Variants in KIRREL3 observed in about 807,000 individuals in gnomAD.
KIRREL3 encodes the protein kin of IRRE-like protein 3.
In KIRREL3, 36 loss-of-function variants were observed where a neutral mutation model predicts 89.7. That is an observed-to-expected ratio of 0.40 (90% CI 0.31 to 0.53). The LOEUF (loss-of-function observed/expected upper bound fraction) is 0.53. KIRREL3 is among the 20% of genes least tolerant of loss of function. The probability of loss-of-function intolerance (pLI) is 0.49; values close to 1 mark genes in which losing one functional copy is unlikely to be tolerated. For missense variants in KIRREL3, 864 were observed against 1,056.6 expected (o/e 0.82, Z 2.53); for synonymous variants, 445 against 441.4 (o/e 1.01, Z -0.10).
At chr11:126,533,939 G>A (rs1959019821) in intron 2 of KIRREL3, among the ~76,000 whole-genome samples, 1 of 152,210 alleles carries the variant, frequency 6.6e-6, no homozygotes, top group African/African-American at 2.4e-5. Context: ...CGCAGGCTGA[G>A]CTCCATAGGG....
Position 126,754,688 on chromosome 11 carries a change from C to T in KIRREL3, c.56-191776G>A, listed in dbSNP as rs986330985. On this transcript the variant is annotated intron_variant, in intron 1 of 16. Transcript: ENST00000525144. This position sits in a 1 kb window ranked among gnomAD's most constrained non-coding sequence, Gnocchi z 5.1. ...TGTTGTCTTCTTTCTGAGTTGTCTT[C>T]TCTCTTCTCCTTCTTAATAATCTCC... Among the ~76,000 whole-genome samples, 1 of 152,082 alleles carries T rather than the reference C, an allele frequency of 6.6e-6. No homozygotes were observed. The highest frequency in any genetic ancestry group is 2.4e-5 in the African/African-American group (1 of 41,396).
At chr11:126,762,881 T>C (rs1042365945) in intron 1 of KIRREL3, among the ~76,000 whole-genome samples, 5 of 152,146 alleles carry the variant, frequency 3.3e-5, no homozygotes, top group Non-Finnish European at 7.3e-5. Flanking sequence ...CAAAACTCTA[T>C]TGAATTTGGG....
At position 126,739,174 on chromosome 11, in the gene KIRREL3, C is replaced by T. The variant is rs1419898633; in HGVS notation, c.56-176262G>A. On this transcript the variant is annotated intron_variant, in intron 1 of 16. Transcript: ENST00000525144. The surrounding 1 kb of genome is among the most constrained non-coding windows in gnomAD (Gnocchi z 5.5). ...TGGCTCCAAAGCCAAACCCTTCCAC[C>T]CGTTCCGTGCTATTGTTGGAGATGT... Among the ~76,000 whole-genome samples the T allele has an allele frequency of 6.6e-6, 1 of 152,064 alleles. No individual in the cohort carries two copies. The highest frequency in any genetic ancestry group is 1.5e-5 in the Non-Finnish European group (1 of 68,038).
At chr11:126,925,307 G>C (rs1413835600) in intron 1 of KIRREL3, among the ~76,000 whole-genome samples, 1 of 152,222 alleles carries the variant, frequency 6.6e-6, no homozygotes, top group Admixed American at 6.5e-5. Context: ...CACGCATGAG[G>C]CAGCCTGGTG....
At chr11:126,842,538 T>C (rs571097729) in intron 1 of KIRREL3, among the ~76,000 whole-genome samples, 1 of 152,188 alleles carries the variant, frequency 6.6e-6, no homozygotes, top group East Asian at 1.9e-4. Context: ...AGTCCCCCAA[T>C]ATCCTTCATC....
In KIRREL3 at chr11:126,462,887, C is replaced by T. The variant is rs1305535021; in HGVS notation, c.742+270G>A. ...TAGGCCAGCAGAGGCAGCAGCTGACCGTATTTATTGGTGTGAAAGTCCCAC... is the reference window on the plus strand; with the variant it reads ...TAGGCCAGCAGAGGCAGCAGCTGACTGTATTTATTGGTGTGAAAGTCCCAC... On this transcript the variant is annotated intron_variant, in intron 6 of 16. Coordinates refer to ENST00000525144, the MANE Select transcript of KIRREL3 (RefSeq NM_032531.4). This position sits in a 1 kb window ranked among gnomAD's most constrained non-coding sequence, Gnocchi z 4.8. Among the ~76,000 whole-genome samples, 1 of 152,094 alleles carries T rather than the reference C, an allele frequency of 6.6e-6. No individual in the cohort carries two copies. Among genetic ancestry groups the T allele is most frequent in the Non-Finnish European group, 1.5e-5 (1 of 68,026 alleles).
At chr11:126,913,565 T>C (rs1490199005) in intron 1 of KIRREL3, among the ~76,000 whole-genome samples, 1 of 152,144 alleles carries the variant, frequency 6.6e-6, no homozygotes, top group East Asian at 1.9e-4. Flanking sequence ...ACGCAGTCCA[T>C]GAAGAGGAAG....
intron 1 of KIRREL3, among the ~76,000 whole-genome samples, chr11:126,770,550 C>T (rs1013114224): frequency 1.3e-5 from 2 of 152,152 alleles, no homozygotes; most frequent in East Asian, 1.9e-4. Flanking sequence ...AAACGGAAGG[C>T]GAAGCACATC....
intron 6 of KIRREL3, among the ~76,000 whole-genome samples, chr11:126,461,995 C>T (rs538408833): frequency 2.0e-5 from 3 of 152,284 alleles, no homozygotes; most frequent in African/African-American, 7.2e-5. Context: ...GGAGAGAAGT[C>T]CACTTTTGAG....
intron 1 of KIRREL3, among the ~76,000 whole-genome samples, chr11:126,794,230 G>T (rs1394476815): frequency 6.6e-6 from 1 of 152,140 alleles, no homozygotes; most frequent in Non-Finnish European, 1.5e-5. Flanking sequence ...AGATGTTTAG[G>T]TGTCTTTAGC....
intron 1 of KIRREL3, among the ~76,000 whole-genome samples, chr11:126,577,319 C>G (rs540710524): frequency 1.2e-4 from 18 of 151,972 alleles, no homozygotes; most frequent in African/African-American, 4.3e-4. Context: ...CAGGTCAGGT[C>G]GATGGGTGGG....
Position 126,689,977 on chromosome 11 carries a change from G to A in KIRREL3, c.56-127065C>T, listed in dbSNP as rs1042762291. On this transcript the variant is annotated intron_variant, in intron 1 of 16. Coordinates refer to ENST00000525144, the MANE Select transcript of KIRREL3 (RefSeq NM_032531.4). This position sits in a 1 kb window ranked among gnomAD's most constrained non-coding sequence, Gnocchi z 5.2. Reference sequence around the variant, plus strand: ...TTCTTTTAGACCCTATTTGTCTCCCGGCCTCACACTGCCTTCCTCTTGCTC... The same window carrying A: ...TTCTTTTAGACCCTATTTGTCTCCCAGCCTCACACTGCCTTCCTCTTGCTC... 2.0e-5 allele frequency among the ~76,000 whole-genome samples: 3 copies of A among 152,116 alleles called. No individual in the cohort carries two copies. Among genetic ancestry groups the A allele is most frequent in the Non-Finnish European group, 2.9e-5 (2 of 68,018 alleles).
In KIRREL3 at chr11:126,427,882, A is replaced by C. The variant is rs1189639952; in HGVS notation, c.1806+1297T>G. Among the ~76,000 whole-genome samples the C allele has an allele frequency of 2.0e-5, 3 of 152,212 alleles. No homozygotes were observed. Among genetic ancestry groups the C allele is most frequent in the Admixed American group, 2.0e-4 (3 of 15,280 alleles). On this transcript the variant is annotated intron_variant, in intron 15 of 16. Transcript: ENST00000525144. The surrounding 1 kb of genome is among the most constrained non-coding windows in gnomAD (Gnocchi z 5.3). Reference sequence around the variant, plus strand: ...GGGAGCAATGATGAGGCCTGAAGTAAAGAAGTGATGGTGGAGGACAGGTGG... The same window carrying C: ...GGGAGCAATGATGAGGCCTGAAGTACAGAAGTGATGGTGGAGGACAGGTGG...
Position 126,471,593 on chromosome 11 carries a change from G to A in KIRREL3, c.591+1716C>T, listed in dbSNP as rs958629617. Among the ~76,000 whole-genome samples the A allele has an allele frequency of 5.9e-5, 9 of 151,972 alleles. No homozygotes were observed. The highest frequency in any genetic ancestry group is 1.9e-4 in the African/African-American group (8 of 41,408). On this transcript the variant is annotated intron_variant, in intron 5 of 16. Transcript: ENST00000525144. This position sits in a 1 kb window ranked among gnomAD's most constrained non-coding sequence, Gnocchi z 5.4. ...TTGGTGGCTCAGCAGGTTTAGGATT[G>A]GATAGCTTGAATAATTTCCCTGGGC...
chr11:126,512,632 C>G (rs1958260784), intron 4 of KIRREL3, among the ~76,000 whole-genome samples: 1 of 152,188 alleles, frequency 6.6e-6, no homozygotes, highest in Admixed American at 6.5e-5. Flanking sequence ...GATTCCATGT[C>G]AAATGGCAGA....
At position 126,651,899 on chromosome 11, in the gene KIRREL3, C is replaced by G. The variant is rs181590486; in HGVS notation, c.56-88987G>C. ...ATTTTCCCATTTGGGGTGGTAATAA[C>G]AGGTCTAATCATGACACCTCCATAA... On this transcript the variant is annotated intron_variant, in intron 1 of 16. Transcript: ENST00000525144. The surrounding 1 kb of genome is among the most constrained non-coding windows in gnomAD (Gnocchi z 4.6). 1.3e-5 allele frequency among the ~76,000 whole-genome samples: 2 copies of G among 152,210 alleles called. No homozygotes were observed. The highest frequency in any genetic ancestry group is 4.8e-5 in the African/African-American group (2 of 41,458).
chr11:126,627,059 G>A lies in KIRREL3; in HGVS notation c.56-64147C>T, dbSNP rs1943821595. Among the ~76,000 whole-genome samples, 1 of 152,040 alleles carries A rather than the reference G, an allele frequency of 6.6e-6. No homozygotes were observed. Among genetic ancestry groups the A allele is most frequent in the African/African-American group, 2.4e-5 (1 of 41,418 alleles). ...CACAGTTTTGAAGCCTCAAAGGAAGGTGTGTGTGCATGCATGTGTGTGTAT... is the reference window on the plus strand; with the variant it reads ...CACAGTTTTGAAGCCTCAAAGGAAGATGTGTGTGCATGCATGTGTGTGTAT... On this transcript the variant is annotated intron_variant, in intron 1 of 16. Coordinates refer to ENST00000525144, the MANE Select transcript of KIRREL3 (RefSeq NM_032531.4). This position sits in a 1 kb window ranked among gnomAD's most constrained non-coding sequence, Gnocchi z 5.0.
chr11:126,947,004 C>G (rs925250097), intron 1 of KIRREL3, among the ~76,000 whole-genome samples: 2 of 152,160 alleles, frequency 1.3e-5, no homozygotes, highest in Admixed American at 6.5e-5. Context: ...ATCCGCTAGG[C>G]TCTAGAACCC....
In KIRREL3 at chr11:126,890,569, C is replaced by A. The variant is rs1027782764; in HGVS notation, c.55+109886G>T. On this transcript the variant is annotated intron_variant, in intron 1 of 16. Transcript: ENST00000525144. The surrounding 1 kb of genome is among the most constrained non-coding windows in gnomAD (Gnocchi z 5.1). The stretch of plus-strand genomic sequence containing the variant: ...CAGTTTTCTGCTCCCTGGCTGTGGA[C>A]AGAAGGCACCTGGAGGGGTGCTGTG... Among the ~76,000 whole-genome samples the A allele has an allele frequency of 5.9e-5, 9 of 152,240 alleles. No individual in the cohort carries two copies. Among genetic ancestry groups the A allele is most frequent in the African/African-American group, 2.2e-4 (9 of 41,460 alleles).
Sources: gnomAD v4.1 joint callset for allele counts (sites outside exome capture counted in the v4.1 genomes callset) on GRCh38, gnomAD v4.1.1 for gene constraint, Gnocchi (gnomAD v3.1) non-coding constraint, MANE v1.5 for transcripts, NCBI Gene and HGNC (gene_info 2026-07-23, HGNC 2026-07-21) for gene names.